Variants in PLEKHH1 observed in about 807,000 individuals in gnomAD.
PLEKHH1 encodes pleckstrin homology, MyTH4 and FERM domain containing H1.
PLEKHH1 carries 104 observed loss-of-function variants against 160.0 expected under a neutral mutation model. That is an observed-to-expected ratio of 0.65 (90% CI 0.55 to 0.76). The LOEUF (loss-of-function observed/expected upper bound fraction) is 0.76. Among genes scored for constraint, PLEKHH1 ranks in the 30% least tolerant of loss-of-function variants. PLEKHH1 has a pLI of 0.00. For synonymous variants in PLEKHH1, 619 were observed against 678.4 expected (o/e 0.91, Z 1.36); for missense variants, 1,427 against 1,724.1 (o/e 0.83, Z 3.05).
chr14:67,562,370 G>A lies in PLEKHH1; in HGVS notation c.739G>A (p.Gly247Arg), dbSNP rs2034880747. The change falls in exon 7 of 29, where the codon GGG becomes AGG. Residue 247 changes from glycine (G) to arginine (R), a missense_variant. Physicochemically the swap from Gly to Arg is moderately radical, Grantham distance 125. This residue lies in a region of PLEKHH1 where 831 missense variants were observed against 929.2 expected (regional missense o/e 0.89). Transcript: ENST00000329153. ...TTCTAGTTCCAGCACGGTCCATTCT[G>A]GGGAAACAGTAGAGGCCAAGCCCCT... ...EDSSSSTVHSGETVEAKPLQP... is the reference protein window; with the variant it reads ...EDSSSSTVHSRETVEAKPLQP... 8.1e-6 allele frequency: 13 copies of A among 1,613,510 alleles called. No individual in the cohort carries two copies. Among genetic ancestry groups the A allele is most frequent in the Non-Finnish European group, 1.1e-5 (13 of 1,179,596 alleles).
At chr14:67,585,863 C>A in intron 27 of PLEKHH1, 88 bp from the exon 28 acceptor site, 1 of 1,388,702 alleles carries the variant, frequency 7.2e-7, no homozygotes, top group Non-Finnish European at 9.9e-7. Context: ...TTCTCCTTTC[C>A]TGTGCCTAGA....
At chr14:67,549,127 G>C (rs569652288) in intron 2 of PLEKHH1, among the ~76,000 whole-genome samples, 2 of 152,194 alleles carry the variant, frequency 1.3e-5, no homozygotes, top group Non-Finnish European at 2.9e-5. Flanking sequence ...TTGGAAGTAT[G>C]TTGAAGTTTG....
chr14:67,541,172 G>A (rs564859696), intron 1 of PLEKHH1, among the ~76,000 whole-genome samples: 61 of 152,218 alleles, frequency 4.0e-4, no homozygotes, highest in Middle Eastern at 6.8e-3. Flanking sequence ...GACATTCAAA[G>A]CATTATATTT....
chr14:67,547,295 G>C (rs1185996210), intron 2 of PLEKHH1, among the ~76,000 whole-genome samples: 1 of 152,190 alleles, frequency 6.6e-6, no homozygotes, highest in Non-Finnish European at 1.5e-5. Context: ...GGACCTCTTG[G>C]CAGGAAATCT....
Position 67,588,339 on chromosome 14 carries a change from C to T in PLEKHH1, c.*1104C>T, listed in dbSNP as rs1456437991. The T allele has an allele frequency of 2.6e-5, 4 of 152,492 alleles. No homozygotes were observed. The highest frequency in any genetic ancestry group is 9.7e-5 in the African/African-American group (4 of 41,414). 9.4% of individuals were successfully genotyped at this position (152,492 alleles called of 1,614,324 possible). On this transcript the variant is annotated 3_prime_UTR_variant, in exon 29 of 29. Coordinates refer to ENST00000329153, the MANE Select transcript of PLEKHH1 (RefSeq NM_020715.3). Reference sequence around the variant, plus strand: ...ACTCTGCTTTTTGCTGCTGTAAGACCACCAAAAATGAGTCAGAAACACAGA... The same window carrying T: ...ACTCTGCTTTTTGCTGCTGTAAGACTACCAAAAATGAGTCAGAAACACAGA...
chr14:67,587,379 C>A lies in PLEKHH1; in HGVS notation c.*144C>A. 1.1e-6 allele frequency: 1 copy of A among 913,304 alleles called. No homozygotes were observed. The highest frequency in any genetic ancestry group is 1.8e-6 in the Non-Finnish European group (1 of 570,834). 56.6% of individuals were successfully genotyped at this position (913,304 alleles called of 1,614,324 possible). On this transcript the variant is annotated 3_prime_UTR_variant, in exon 29 of 29. Transcript: ENST00000329153. ...AATGTGTATTTTAGTCTCTGTGAAG[C>A]CTTTACTCTCTAGGTGCCTTATAAT...
Position 67,573,405 on chromosome 14 carries a change from A to G in PLEKHH1, c.1839+19A>G. 7.1e-7 allele frequency: 1 copy of G among 1,412,834 alleles called. No individual in the cohort carries two copies. The highest frequency in any genetic ancestry group is 1.0e-6 in the Non-Finnish European group (1 of 996,624). 87.5% of individuals were successfully genotyped at this position (1,412,834 alleles called of 1,614,324 possible). ...GTCCCCGGTGAGAGTCTCCCCGCCC[A>G]GCACTGCAGTCAAAAGGTCTCCACA... On this transcript the variant is annotated intron_variant, in intron 12 of 28. Coordinates refer to ENST00000329153, the MANE Select transcript of PLEKHH1 (RefSeq NM_020715.3). The surrounding 1 kb of genome is among the most constrained non-coding windows in gnomAD (Gnocchi z 4.8).
Position 67,571,814 on chromosome 14 carries a change from C to G in PLEKHH1, c.1497C>G (p.Cys499Trp). The part of the protein sequence containing the change: ...MDESSGSDDD[C>W]SSQASFRISV... ...AGTCCTCTGGGTCTGACGATGACTG[C>G]AGCTCTCAGGCGAGTTTCCGAATCT... is the stretch of plus-strand genomic sequence containing the variant. The change falls in exon 10 of 29, where the codon TGC (cysteine) becomes TGG (tryptophan). Residue 499 changes from cysteine (C) to tryptophan (W), a missense_variant. Physicochemically the swap from Cys to Trp is radical, Grantham distance 215. This residue lies in a region of PLEKHH1 where 831 missense variants were observed against 929.2 expected (regional missense o/e 0.89). Transcript: ENST00000329153. The G allele has an allele frequency of 6.2e-7, 1 of 1,613,832 alleles. No homozygotes were observed. The highest frequency in any genetic ancestry group is 2.2e-5 in the East Asian group (1 of 44,872).
intron 1 of PLEKHH1, among the ~76,000 whole-genome samples, chr14:67,534,603 G>A (rs1407362507): frequency 6.6e-6 from 1 of 152,110 alleles, no homozygotes; most frequent in Non-Finnish European, 1.5e-5. Context: ...GTATGGTTCA[G>A]TCCACTTCTA....
chr14:67,577,810 G>A (rs1188855721), intron 18 of PLEKHH1, among the ~76,000 whole-genome samples: 1 of 152,098 alleles, frequency 6.6e-6, no homozygotes, highest in Non-Finnish European at 1.5e-5. Flanking sequence ...GTAATGTAAT[G>A]AGAACATTTT....
chr14:67,572,395 G>T, intron 11 of PLEKHH1, 118 bp downstream of exon 11: 1 of 379,628 alleles, frequency 2.6e-6, no homozygotes. Context: ...AGAGCTGGGG[G>T]ATGGGGGCAG....
chr14:67,550,160 A>T (rs2034340000), intron 2 of PLEKHH1, among the ~76,000 whole-genome samples: 1 of 150,194 alleles, frequency 6.7e-6, no homozygotes, highest in African/African-American at 2.4e-5. Context: ...TCTGTTGCTA[A>T]AAAAAAAAAA....
At chr14:67,547,180 G>T (rs991126853) in intron 2 of PLEKHH1, among the ~76,000 whole-genome samples, 1 of 152,162 alleles carries the variant, frequency 6.6e-6, no homozygotes, top group African/African-American at 2.4e-5. Flanking sequence ...AGACACGGGA[G>T]GAACAACTGG....
intron 7 of PLEKHH1, among the ~76,000 whole-genome samples, chr14:67,565,267 G>A (rs1332336986): frequency 2.6e-5 from 4 of 151,440 alleles, no homozygotes; most frequent in East Asian, 3.9e-4. Context: ...CTTGAGAGAC[G>A]GTGTCTTGCT....
Position 67,562,065 on chromosome 14 carries a change from G to T in PLEKHH1, c.505+30G>T, listed in dbSNP as rs746422586. On this transcript the variant is annotated intron_variant, in intron 6 of 28. Transcript: ENST00000329153. ...GCAGGCCAGGGTGTGCAGGTGTGCAGTACGTGTGTTTGGTGGGTATGGGGC... is the reference window on the plus strand; with the variant it reads ...GCAGGCCAGGGTGTGCAGGTGTGCATTACGTGTGTTTGGTGGGTATGGGGC... The T allele has an allele frequency of 5.6e-6, 9 of 1,610,056 alleles. No individual in the cohort carries two copies. In the South Asian group the frequency reaches 7.7e-5, roughly 14 times the overall value.
At chr14:67,552,354 T>C (rs1295818310) in intron 2 of PLEKHH1, among the ~76,000 whole-genome samples, 1 of 152,162 alleles carries the variant, frequency 6.6e-6, no homozygotes, top group African/African-American at 2.4e-5. Context: ...AGATCTGCCC[T>C]CGTGAAAAGT....
At chr14:67,580,176 C>T (rs967951986) in intron 22 of PLEKHH1, 7 of 288,116 alleles carry the variant, frequency 2.4e-5, no homozygotes, top group East Asian at 1.6e-4. Flanking sequence ...TGAGGCCCCA[C>T]GAAGCCACTG....
chr14:67,572,903 T>G (rs2035455600), intron 11 of PLEKHH1, among the ~76,000 whole-genome samples: 1 of 152,176 alleles, frequency 6.6e-6, no homozygotes, highest in South Asian at 2.1e-4. Context: ...CCTGGAATGG[T>G]CTTCTTCCTC....
At chr14:67,583,524 A>G (rs2036001528) in intron 24 of PLEKHH1, among the ~76,000 whole-genome samples, 1 of 152,200 alleles carries the variant, frequency 6.6e-6, no homozygotes, top group East Asian at 1.9e-4. Flanking sequence ...TGCAAAATCA[A>G]AGTTGGTCGG....
Sources: allele counts gnomAD v4.1 joint callset (sites outside exome capture counted in the v4.1 genomes callset), GRCh38; gene constraint gnomAD v4.1.1; regional missense constraint gnomAD v4.1.1; non-coding constraint Gnocchi (gnomAD v3.1); transcripts MANE v1.5; gene names NCBI Gene and HGNC (gene_info 2026-07-23, HGNC 2026-07-21).